MARCHF1: variants seen among roughly 807,000 people sequenced by gnomAD.
The protein encoded by MARCHF1 is E3 ubiquitin-protein ligase MARCHF1.
In MARCHF1, 40 loss-of-function variants were observed where a neutral mutation model predicts 54.2. The observed-to-expected ratio is 0.74, with a 90% confidence interval of 0.57 to 0.96. The LOEUF (loss-of-function observed/expected upper bound fraction) is 0.96, where lower values mean the gene tolerates loss of function less well. Ranked by LOEUF, MARCHF1 falls within the 40% of genes least tolerant of loss-of-function variation. The probability of loss-of-function intolerance (pLI) is 0.00; values close to 1 mark genes in which losing one functional copy is unlikely to be tolerated. For missense variants in MARCHF1, 586 were observed against 656.5 expected (o/e 0.89, Z 1.17); for synonymous variants, 236 against 236.3 (o/e 1.00, Z 0.01).
At chr4:163,944,882 G>C (rs1751994403) in intron 3 of MARCHF1, among the ~76,000 whole-genome samples, 1 of 152,052 alleles carries the variant, frequency 6.6e-6, no homozygotes. Flanking sequence ...AAAATGATTA[G>C]ATATAGACAT....
chr4:163,801,649 C>T (rs1416954079), intron 4 of MARCHF1, among the ~76,000 whole-genome samples: 4 of 151,996 alleles, frequency 2.6e-5, no homozygotes, highest in Non-Finnish European at 5.9e-5. Flanking sequence ...CACCATCTTC[C>T]CCACCCTAAT....
chr4:163,668,052 A>T (rs1579176564), intron 5 of MARCHF1, among the ~76,000 whole-genome samples: 3 of 152,308 alleles, frequency 2.0e-5, no homozygotes, highest in Admixed American at 2.0e-4. Flanking sequence ...GCTATTTCTC[A>T]TTAGAAACAA....
chr4:164,224,444 C>T (rs768920293), intron 1 of MARCHF1, among the ~76,000 whole-genome samples: 1 of 151,834 alleles, frequency 6.6e-6, no homozygotes, highest in Non-Finnish European at 1.5e-5. Context: ...TTTAAATCTT[C>T]TCTTTTTTAA....
intron 8 of MARCHF1, among the ~76,000 whole-genome samples, chr4:163,562,296 AAAAACAAAAC>A (rs67047524): frequency 0.13 from 19,587 of 150,076 alleles, 1,691 homozygotes; most frequent in African/African-American, 0.24. Flanking sequence ...ACTCTGTCTC[AAAAACAAAAC>A]AAAACAAAAC....
chr4:164,080,777 A>G (rs968824468), intron 2 of MARCHF1, among the ~76,000 whole-genome samples: 1 of 152,104 alleles, frequency 6.6e-6, no homozygotes, highest in African/African-American at 2.4e-5. Flanking sequence ...AAAAGTCCCT[A>G]AATCCTCAGA....
At chr4:164,030,648 T>C (rs940961250) in intron 2 of MARCHF1, among the ~76,000 whole-genome samples, 2 of 152,234 alleles carry the variant, frequency 1.3e-5, no homozygotes, top group Admixed American at 1.3e-4. Flanking sequence ...CTGTCAGGTA[T>C]GCAGGAAGCA....
Position 163,900,954 on chromosome 4 carries a change from G to A in MARCHF1, c.-38-46785C>T, listed in dbSNP as rs1332958780. On this transcript the variant is annotated intron_variant, in intron 3 of 9. Transcript: ENST00000514618. ...ACATTACTAAAACTGTTGGTGTAAT[G>A]TCAGATGTTTATGGCAGATCCTGGC... Among the ~76,000 whole-genome samples the A allele has an allele frequency of 1.3e-4, 20 of 152,296 alleles. No individual in the cohort carries two copies. The East Asian group carries it at 3.7e-3, about 28-fold the overall frequency.
chr4:164,251,474 C>G (rs919763748), intron 1 of MARCHF1, among the ~76,000 whole-genome samples: 14 of 152,168 alleles, frequency 9.2e-5, no homozygotes, highest in Admixed American at 2.6e-4. Flanking sequence ...CACAGCCCCA[C>G]AGATGCCAAA....
intron 4 of MARCHF1, among the ~76,000 whole-genome samples, chr4:163,830,140 T>C (rs567344542): frequency 6.6e-6 from 1 of 152,250 alleles, no homozygotes; most frequent in Non-Finnish European, 1.5e-5. Flanking sequence ...TTTATTCTCT[T>C]ATCTGCTTTA....
At chr4:163,866,610 A>G (rs1750058572) in intron 3 of MARCHF1, among the ~76,000 whole-genome samples, 1 of 151,210 alleles carries the variant, frequency 6.6e-6, no homozygotes, top group Non-Finnish European at 1.5e-5. Context: ...AGAGGTAGTC[A>G]AACTAAAAGT....
intron 4 of MARCHF1, among the ~76,000 whole-genome samples, chr4:163,705,564 T>G (rs944770693): frequency 1.3e-5 from 2 of 151,946 alleles, no homozygotes; most frequent in African/African-American, 4.8e-5. Flanking sequence ...ATTAATACAT[T>G]GAAAGAGACA....
chr4:163,537,148 T>C (rs1251500510), intron 9 of MARCHF1, among the ~76,000 whole-genome samples: 1 of 98,348 alleles, frequency 1.0e-5, no homozygotes, highest in African/African-American at 3.2e-5. Context: ...AAGGATTGTA[T>C]GTGGAAAACT....
intron 1 of MARCHF1, among the ~76,000 whole-genome samples, chr4:164,175,417 CTTT>C (rs1219566715): frequency 1.3e-5 from 2 of 152,076 alleles, no homozygotes; most frequent in African/African-American, 4.8e-5. Flanking sequence ...ATTTCCTTTA[CTTT>C]TTTTCCCAAG....
chr4:163,611,005 TAGAG>T (rs1249998120), intron 7 of MARCHF1, among the ~76,000 whole-genome samples: 2 of 152,040 alleles, frequency 1.3e-5, no homozygotes, highest in Non-Finnish European at 2.9e-5. Flanking sequence ...GTCACTTACT[TAGAG>T]AGTTTTTGTC....
intron 1 of MARCHF1, among the ~76,000 whole-genome samples, chr4:164,201,203 T>C (rs1174674086): frequency 9.1e-6 from 1 of 109,610 alleles, no homozygotes; most frequent in Non-Finnish European, 1.8e-5. Flanking sequence ...AGACATGTTT[T>C]ACATGGTTTT....
chr4:164,175,530 G>A (rs770985099), intron 1 of MARCHF1, among the ~76,000 whole-genome samples: 7 of 152,074 alleles, frequency 4.6e-5, no homozygotes, highest in Non-Finnish European at 8.8e-5. Context: ...CAGTTGTTCC[G>A]TCAAATCCCA....
intron 4 of MARCHF1, among the ~76,000 whole-genome samples, chr4:163,716,753 C>A (rs540124596): frequency 6.6e-6 from 1 of 152,256 alleles, no homozygotes; most frequent in East Asian, 1.9e-4. Flanking sequence ...TCAAAATGCA[C>A]ACAGAACTGT....
At chr4:164,080,728 C>T (rs1755078667) in intron 2 of MARCHF1, among the ~76,000 whole-genome samples, 2 of 150,094 alleles carry the variant, frequency 1.3e-5, no homozygotes, top group Admixed American at 1.3e-4. Flanking sequence ...CACTGAAAAG[C>T]CAAAAGTAAA....
chr4:164,373,354 T>C (rs1731092090), intron 1 of MARCHF1, among the ~76,000 whole-genome samples: 1 of 121,680 alleles, frequency 8.2e-6, no homozygotes, highest in Non-Finnish European at 1.9e-5. Context: ...AAAAACTACT[T>C]TTTTTTTTTT....
Sources: gnomAD v4.1 joint callset for allele counts (sites outside exome capture counted in the v4.1 genomes callset) on GRCh38, gnomAD v4.1.1 for gene constraint, MANE v1.5 for transcripts, NCBI Gene and HGNC (gene_info 2026-07-23, HGNC 2026-07-21) for gene names.